Variants in KLHL29 observed in about 807,000 individuals in gnomAD.
The protein encoded by KLHL29 is kelch-like protein 29.
Under a neutral mutation model 80.4 loss-of-function variants are expected in KLHL29, and 21 were observed. That is an observed-to-expected ratio of 0.26 (90% CI 0.19 to 0.38). KLHL29 has a LOEUF of 0.38. Among genes scored for constraint, KLHL29 ranks in the 10% least tolerant of loss-of-function variants. KLHL29 has a pLI of 1.00. For missense variants in KLHL29, 867 were observed against 1,223.9 expected (o/e 0.71, Z 4.35); for synonymous variants, 511 against 526.8 (o/e 0.97, Z 0.41).
chr2:23,538,317 C>T (rs1007524032), intron 2 of KLHL29, among the ~76,000 whole-genome samples: 1 of 152,198 alleles, frequency 6.6e-6, no homozygotes, highest in African/African-American at 2.4e-5. Context: ...AGATGCCTGA[C>T]GTCAGTTTCA....
At chr2:23,448,491 G>A (rs954323441) in intron 1 of KLHL29, among the ~76,000 whole-genome samples, 1 of 152,272 alleles carries the variant, frequency 6.6e-6, no homozygotes, top group South Asian at 2.1e-4. Context: ...ATTAATAGAG[G>A]GGATTGGGAG....
intron 2 of KLHL29, among the ~76,000 whole-genome samples, chr2:23,510,728 C>T (rs752950137): frequency 2.0e-5 from 3 of 152,294 alleles, no homozygotes; most frequent in South Asian, 2.1e-4. Context: ...GAGGGCGGCT[C>T]CTGCCCTAAG....
At chr2:23,451,690 A>G (rs537318659) in intron 1 of KLHL29, among the ~76,000 whole-genome samples, 2 of 152,224 alleles carry the variant, frequency 1.3e-5, no homozygotes, top group South Asian at 2.1e-4. Context: ...GGACGGGCAC[A>G]TTAGTCCATT....
chr2:23,664,735 G>A (rs1316045797), intron 5 of KLHL29, among the ~76,000 whole-genome samples: 1 of 152,244 alleles, frequency 6.6e-6, no homozygotes, highest in Non-Finnish European at 1.5e-5. Context: ...CTGGCATGTG[G>A]GTGAGGGCCA....
chr2:23,399,508 A>G (rs1435915677), intron 1 of KLHL29, among the ~76,000 whole-genome samples: 2 of 152,068 alleles, frequency 1.3e-5, no homozygotes, highest in African/African-American at 4.8e-5. Flanking sequence ...CAATTTAGCA[A>G]CTCTTCTAGG....
intron 3 of KLHL29, among the ~76,000 whole-genome samples, chr2:23,619,794 T>A (rs927125520): frequency 6.6e-6 from 1 of 152,200 alleles, no homozygotes; most frequent in Non-Finnish European, 1.5e-5. Flanking sequence ...GACTGCTTCA[T>A]CCCAGCCTGT....
At chr2:23,608,692 A>G (rs1435526531) in intron 3 of KLHL29, among the ~76,000 whole-genome samples, 1 of 152,204 alleles carries the variant, frequency 6.6e-6, no homozygotes, top group Non-Finnish European at 1.5e-5. Flanking sequence ...GTGAATTACA[A>G]TATGGAGCGT....
At chr2:23,678,399 C>G (rs1312226234) in intron 5 of KLHL29, among the ~76,000 whole-genome samples, 1 of 152,206 alleles carries the variant, frequency 6.6e-6, no homozygotes, top group Non-Finnish European at 1.5e-5. Context: ...AGAAGCTTTG[C>G]TCACTTTCAC....
At chr2:23,648,478 C>T (rs140374300) in intron 5 of KLHL29, among the ~76,000 whole-genome samples, 3 of 152,206 alleles carry the variant, frequency 2.0e-5, no homozygotes, top group East Asian at 1.9e-4. Context: ...GGGCGTCCAC[C>T]GTGAACAGAA....
chr2:23,500,959 G>C (rs1404192908), intron 2 of KLHL29, among the ~76,000 whole-genome samples: 1 of 152,162 alleles, frequency 6.6e-6, no homozygotes, highest in Non-Finnish European at 1.5e-5. Flanking sequence ...AATCGCATCT[G>C]TTTGTCTGCG....
At chr2:23,431,210 C>G (rs1222779260) in intron 1 of KLHL29, among the ~76,000 whole-genome samples, 2 of 152,184 alleles carry the variant, frequency 1.3e-5, no homozygotes, top group Admixed American at 6.5e-5. Context: ...TTCCTACTCT[C>G]CCGAGGCTGG....
intron 3 of KLHL29, among the ~76,000 whole-genome samples, chr2:23,634,633 C>T (rs1303545330): frequency 1.3e-5 from 2 of 152,178 alleles, no homozygotes; most frequent in Non-Finnish European, 2.9e-5. Flanking sequence ...GCCTTCATCA[C>T]ACCCAAGCAT....
chr2:23,696,401 C>T lies in KLHL29; in HGVS notation c.1993C>T (p.Leu665Phe). The change falls in exon 11 of 14, where the codon CTC becomes TTC. Residue 665 changes from leucine to phenylalanine, a missense_variant. Transcript: ENST00000486442. The surrounding 1 kb of genome is among the most constrained non-coding windows in gnomAD (Gnocchi z 5.5). ...CATGTCCCTGCTTGATAACTGGAACCTCGTCTCCAGAATGACAGTCCCCCG... is the reference window on the plus strand; with the variant it reads ...CATGTCCCTGCTTGATAACTGGAACTTCGTCTCCAGAATGACAGTCCCCCG... The part of the protein sequence containing the change: ...CYMSLLDNWN[L>F]VSRMTVPRCR... 1 of 1,551,574 alleles carries T rather than the reference C, an allele frequency of 6.4e-7. No individual in the cohort carries two copies. Among genetic ancestry groups the T allele is most frequent in the African/African-American group, 1.4e-5 (1 of 73,148 alleles).
chr2:23,564,029 G>T (rs1264693934), intron 3 of KLHL29, among the ~76,000 whole-genome samples: 2 of 152,242 alleles, frequency 1.3e-5, no homozygotes, highest in Non-Finnish European at 1.5e-5. Flanking sequence ...CGCTCTGCAG[G>T]GCCAGCTGTT....
At chr2:23,417,925 C>T (rs1662633904) in intron 1 of KLHL29, among the ~76,000 whole-genome samples, 1 of 152,128 alleles carries the variant, frequency 6.6e-6, no homozygotes, top group Non-Finnish European at 1.5e-5. Context: ...TTTTGGTGCC[C>T]TGTAGCATAA....
chr2:23,527,701 G>A (rs1396944316), intron 2 of KLHL29, among the ~76,000 whole-genome samples: 1 of 152,194 alleles, frequency 6.6e-6, no homozygotes, highest in Non-Finnish European at 1.5e-5. Context: ...CAACAACCTC[G>A]CCACATGGGT....
chr2:23,482,401 T>G (rs1232544855), intron 2 of KLHL29, among the ~76,000 whole-genome samples: 1 of 152,232 alleles, frequency 6.6e-6, no homozygotes, highest in Non-Finnish European at 1.5e-5. Flanking sequence ...GTTTGTGTCC[T>G]CCGTGAGGGC....
intron 2 of KLHL29, among the ~76,000 whole-genome samples, chr2:23,539,017 C>T (rs530439607): frequency 8.5e-5 from 13 of 152,272 alleles, no homozygotes; most frequent in Non-Finnish European, 1.8e-4. Context: ...CCTGATCTGG[C>T]AAGGATGAAG....
chr2:23,445,275 G>GT lies in KLHL29; in HGVS notation c.-153-30277dup, dbSNP rs907639399. Among the ~76,000 whole-genome samples the GT allele has an allele frequency of 7.2e-5, 11 of 152,082 alleles. No individual in the cohort carries two copies. In the South Asian group the frequency reaches 8.3e-4, roughly 11 times the overall value. On this transcript the variant is annotated intron_variant, in intron 1 of 13. Coordinates refer to ENST00000486442, the MANE Select transcript of KLHL29 (RefSeq NM_052920.2). ...TCCTATATAGATAACCATTTTGCTA[G>GT]TTTTTTTTCTTTCCAGTGCATCTTT...
Sources: allele counts gnomAD v4.1 joint callset (sites outside exome capture counted in the v4.1 genomes callset), GRCh38; gene constraint gnomAD v4.1.1; non-coding constraint Gnocchi (gnomAD v3.1); transcripts MANE v1.5; gene names NCBI Gene and HGNC (gene_info 2026-07-23, HGNC 2026-07-21).